Variants in SOCS7 observed in about 807,000 individuals in gnomAD.
SOCS7 encodes suppressor of cytokine signaling 7.
A neutral mutation model predicts 58.9 loss-of-function variants in SOCS7; 18 were observed. The observed-to-expected ratio is 0.31, with a 90% confidence interval of 0.21 to 0.45. The LOEUF is 0.45. SOCS7 is among the 20% of genes least tolerant of loss of function. SOCS7 has a pLI of 1.00. For synonymous variants in SOCS7, 388 were observed against 364.3 expected (o/e 1.06, Z -0.74); for missense variants, 667 against 837.3 (o/e 0.80, Z 2.51).
intron 2 of SOCS7, among the ~76,000 whole-genome samples, chr17:38,363,752 C>A (rs1274389442): frequency 6.6e-6 from 1 of 152,014 alleles, no homozygotes; most frequent in Non-Finnish European, 1.5e-5. Flanking sequence ...ATATTGGTCA[C>A]CTCATTTTCT....
At chr17:38,393,793 G>A (rs1253626894) in intron 7 of SOCS7, among the ~76,000 whole-genome samples, 3 of 151,776 alleles carry the variant, frequency 2.0e-5, no homozygotes, top group East Asian at 3.9e-4. Flanking sequence ...CCAGCTACTC[G>A]GGAGGCTGAG....
At chr17:38,353,985 T>C (rs1276173646) in intron 1 of SOCS7, among the ~76,000 whole-genome samples, 1 of 152,180 alleles carries the variant, frequency 6.6e-6, no homozygotes, top group Non-Finnish European at 1.5e-5. Context: ...CAGTAAGATA[T>C]AGACAAGGTA....
chr17:38,389,903 A>G (rs1298883816), intron 7 of SOCS7, among the ~76,000 whole-genome samples: 4 of 77,526 alleles, frequency 5.2e-5, no homozygotes, highest in African/African-American at 2.0e-4. Flanking sequence ...ATATATACAC[A>G]TATAGAGAGA....
rs771013197 is a variant in SOCS7 at position 38,353,050 on chromosome 17, C to T, written c.980+18C>T. On this transcript the variant is annotated intron_variant, in intron 1 of 9. Coordinates refer to ENST00000612932, the MANE Select transcript of SOCS7 (RefSeq NM_014598.4). ...GCGGGGAGGTGAGACCGGCCGGGGG[C>T]TGGCCGACAAACTTCCTTTTCTTGT... 3 of 1,542,874 alleles carry T rather than the reference C, an allele frequency of 1.9e-6. No homozygotes were observed. Among genetic ancestry groups the T allele is most frequent in the Admixed American group, 2.1e-5 (1 of 46,918 alleles).
At position 38,353,050 on chromosome 17, in the gene SOCS7, C is replaced by G. The variant is rs771013197; in HGVS notation, c.980+18C>G. On this transcript the variant is annotated intron_variant, in intron 1 of 9. Transcript: ENST00000612932. Reference sequence around the variant, plus strand: ...GCGGGGAGGTGAGACCGGCCGGGGGCTGGCCGACAAACTTCCTTTTCTTGT... The same window carrying G: ...GCGGGGAGGTGAGACCGGCCGGGGGGTGGCCGACAAACTTCCTTTTCTTGT... The G allele has an allele frequency of 6.5e-7, 1 of 1,542,874 alleles. No individual in the cohort carries two copies. The highest frequency in any genetic ancestry group is 8.7e-7 in the Non-Finnish European group (1 of 1,149,870).
At position 38,402,961 on chromosome 17, in the gene SOCS7, T is replaced by C. The variant is rs571409714; in HGVS notation, c.*3479T>C. ...TGCTACAACTTGCTGTTACTTGAAATTCGTGTGCTATGTTGGTAGCACAGG... is the reference window on the plus strand; with the variant it reads ...TGCTACAACTTGCTGTTACTTGAAACTCGTGTGCTATGTTGGTAGCACAGG... On this transcript the variant is annotated 3_prime_UTR_variant, in exon 10 of 10. Coordinates refer to ENST00000612932, the MANE Select transcript of SOCS7 (RefSeq NM_014598.4). 2.0e-5 allele frequency: 3 copies of C among 152,312 alleles called. No homozygotes were observed. The highest frequency in any genetic ancestry group is 4.1e-4 in the South Asian group (2 of 4,826). 9.4% of individuals were successfully genotyped at this position (152,312 alleles called of 1,614,324 possible).
chr17:38,381,965 A>C (rs1270278598), intron 7 of SOCS7, among the ~76,000 whole-genome samples: 5 of 149,932 alleles, frequency 3.3e-5, no homozygotes, highest in African/African-American at 7.4e-5. Flanking sequence ...AAAAAAAAAA[A>C]AAAAAAAAAC....
At chr17:38,356,680 A>G (rs1308836752) in intron 1 of SOCS7, among the ~76,000 whole-genome samples, 1 of 151,896 alleles carries the variant, frequency 6.6e-6, no homozygotes, top group Non-Finnish European at 1.5e-5. Context: ...CATCTCTTTA[A>G]AAAGAAAGAA....
At chr17:38,354,875 T>C (rs587737361) in intron 1 of SOCS7, among the ~76,000 whole-genome samples, 1 of 152,262 alleles carries the variant, frequency 6.6e-6, no homozygotes, top group South Asian at 2.1e-4. Context: ...TCTAATAGAT[T>C]AGGAAGAGGA....
At position 38,356,376 on chromosome 17, in the gene SOCS7, A is replaced by G. The variant is rs41518151; in HGVS notation, c.980+3344A>G. ...AGCCTGGGCAACAGAGCCAGACTCC[A>G]TCTTTTTTTTGGGGCCGGGGGGATG... On this transcript the variant is annotated intron_variant, in intron 1 of 9. Coordinates refer to ENST00000612932, the MANE Select transcript of SOCS7 (RefSeq NM_014598.4). Among the ~76,000 whole-genome samples, 889 of 150,882 alleles carry G rather than the reference A, an allele frequency of 5.9e-3. 10 individuals carry two copies. The highest frequency in any genetic ancestry group is 0.02 in the African/African-American group (844 of 41,246).
chr17:38,358,059 A>G (rs587689972), intron 1 of SOCS7, among the ~76,000 whole-genome samples: 202 of 152,352 alleles, frequency 1.3e-3, no homozygotes, highest in Non-Finnish European at 1.8e-3. Flanking sequence ...TAGCTGACAC[A>G]AAGGACTGCT....
intron 5 of SOCS7, 101 bp from the exon 6 acceptor site, chr17:38,367,781 G>A: frequency 9.6e-7 from 1 of 1,044,412 alleles, no homozygotes. Context: ...AAATATTTTG[G>A]AGAGAATGCA....
At position 38,403,026 on chromosome 17, in the gene SOCS7, T is replaced by C. The variant is rs2038342503; in HGVS notation, c.*3544T>C. 1 of 152,144 alleles carries C rather than the reference T, an allele frequency of 6.6e-6. No homozygotes were observed. The highest frequency in any genetic ancestry group is 2.4e-5 in the African/African-American group (1 of 41,422). The allele number at this position is 152,144 out of a possible 1,614,324, so 9.4% of individuals were successfully genotyped here. On this transcript the variant is annotated 3_prime_UTR_variant, in exon 10 of 10. Transcript: ENST00000612932. ...GGTTTTGGTGTGGGCACTAGGTAAG[T>C]GGGTGGCAACCGGCTCTTTGGGACC...
rs1238439113 is a variant in SOCS7, at chr17:38,394,020, C to CT, written c.1682-1286dup. The stretch of plus-strand genomic sequence containing the variant: ...TTTGATATGACAATGGCTGAGAATT[C>CT]TTTGACAGGTTTTGCAACTCAGATT... On this transcript the variant is annotated intron_variant, in intron 7 of 9. Transcript: ENST00000612932. 2.0e-5 allele frequency among the ~76,000 whole-genome samples: 3 copies of CT among 152,196 alleles called. No individual in the cohort carries two copies. The East Asian group carries it at 5.8e-4, about 29-fold the overall frequency.
At chr17:38,394,226 C>G (rs2038215623) in intron 7 of SOCS7, among the ~76,000 whole-genome samples, 1 of 152,138 alleles carries the variant, frequency 6.6e-6, no homozygotes, top group Admixed American at 6.5e-5. Context: ...TGTGGTACTC[C>G]CATTGAGTCT....
intron 9 of SOCS7, among the ~76,000 whole-genome samples, chr17:38,396,422 C>T (rs1340217646): frequency 1.3e-5 from 2 of 152,168 alleles, no homozygotes; most frequent in African/African-American, 2.4e-5. Flanking sequence ...GAAACTTCAT[C>T]AAAGAGAATG....
In SOCS7 at chr17:38,377,810, A is replaced by G. The variant is rs2037950932; in HGVS notation, c.1649A>G (p.Lys550Arg). 1 of 1,613,686 alleles carries G rather than the reference A, an allele frequency of 6.2e-7. No individual in the cohort carries two copies. Among genetic ancestry groups the G allele is most frequent in the Admixed American group, 1.7e-5 (1 of 59,978 alleles). Residue 550 changes from lysine (K) to arginine (R), a missense_variant, in exon 7 of 10, where the codon AAG (lysine) becomes AGG (arginine). Coordinates refer to ENST00000612932, the MANE Select transcript of SOCS7 (RefSeq NM_014598.4). ...GCCATTATGCACTCCAAGAATGGAAAGTTTCTCTATTTCTTAAGATCCAGG... is the reference window on the plus strand; with the variant it reads ...GCCATTATGCACTCCAAGAATGGAAGGTTTCTCTATTTCTTAAGATCCAGG... ...KRAIMHSKNG[K>R]FLYFLRSRVP...
At chr17:38,378,004 G>A (rs1192452679) in intron 7 of SOCS7, among the ~76,000 whole-genome samples, 162 bp downstream of exon 7, 2 of 152,138 alleles carry the variant, frequency 1.3e-5, no homozygotes, top group Admixed American at 1.3e-4. Context: ...CCCTGCCTTT[G>A]TACATTAATC....
Position 38,367,844 on chromosome 17 carries a change from G to A in SOCS7, c.1384-38G>A, listed in dbSNP as rs41473152. On this transcript the variant is annotated intron_variant, in intron 5 of 9. Transcript: ENST00000612932. ...GCACTGAAAACTTTGACATTTCTCT[G>A]TCCTGATAACTAGTGGACTGCTTCT... is the stretch of plus-strand genomic sequence containing the variant. The A allele has an allele frequency of 1.5e-4, 240 of 1,595,330 alleles. 1 individual carries two copies. The African/African-American group carries it at 3.0e-3, about 20-fold the overall frequency.
Sources: gnomAD v4.1 joint callset for allele counts (sites outside exome capture counted in the v4.1 genomes callset) on GRCh38, gnomAD v4.1.1 for gene constraint, MANE v1.5 for transcripts, NCBI Gene and HGNC (gene_info 2026-07-23, HGNC 2026-07-21) for gene names.